The following GSE1 variants were observed in gnomAD, a reference collection of about 807,000 sequenced individuals.
GSE1 encodes Gse1 coiled-coil protein, also known as genetic suppressor element 1.
A neutral mutation model predicts 112.6 loss-of-function variants in GSE1; 32 were observed. The observed-to-expected ratio is 0.28, with a 90% CI of 0.21 to 0.38. GSE1 has a LOEUF of 0.38. Ranked by LOEUF, GSE1 falls within the 10% of genes least tolerant of loss-of-function variation. The pLI, the probability that GSE1 is intolerant of heterozygous loss-of-function variation, is 1.00. For missense variants in GSE1, 2,348 were observed against 1,699.2 expected, an observed-to-expected ratio of 1.38 and a Z score of -6.71; for synonymous variants, 1,115 against 735.6, an observed-to-expected ratio of 1.52 and a Z score of -8.35.
upstream of GSE1, chr16:85,613,282 CCCGAGCTGCCGCCG>C (rs1411893095): frequency 2.0e-6 from 3 of 1,538,398 alleles, no homozygotes; most frequent in African/African-American, 4.2e-5. Flanking sequence ...CCCCAGCGGG[CCCGAGCTGCCGCCG>C]CCGAGCAGCC....
At position 85,341,997 on chromosome 16, in the gene GSE1, C is replaced by G. The variant is rs182280306; in HGVS notation, c.2284-15466C>G. Among the ~76,000 whole-genome samples, 258 of 152,236 alleles carry G rather than the reference C, an allele frequency of 1.7e-3. 1 individual carries two copies. Among genetic ancestry groups the G allele is most frequent in the African/African-American group, 6.1e-3 (252 of 41,536 alleles). ...GAATAGAGACCGGCAGGTGGTCTCT[C>G]TATCCCTGGGCTGCCTGCCGTCCCT... On this transcript the variant is annotated intron_variant, in intron 1 of 2. Coordinates refer to the GSE1 transcript ENST00000637419.
At chr16:85,642,843 T>C (rs978140673) in intron 2 of GSE1, among the ~76,000 whole-genome samples, 1 of 152,104 alleles carries the variant, frequency 6.6e-6, no homozygotes, top group Non-Finnish European at 1.5e-5. Context: ...TGCCCTGCCC[T>C]CCCCTTTCCT....
intron 2 of GSE1, among the ~76,000 whole-genome samples, chr16:85,393,329 A>G (rs2047888546): frequency 6.6e-6 from 1 of 152,222 alleles, no homozygotes; most frequent in Non-Finnish European, 1.5e-5. Flanking sequence ...GCCTCTGGCA[A>G]GACAGGAGCG....
chr16:85,666,243 A>C lies in GSE1; in HGVS notation c.3026A>C (p.Asn1009Thr), dbSNP rs749588485. 23 of 1,613,722 alleles carry C rather than the reference A, an allele frequency of 1.4e-5. No homozygotes were observed. Among genetic ancestry groups the C allele is most frequent in the Non-Finnish European group, 1.9e-5 (23 of 1,180,036 alleles). Residue 1009 changes from asparagine (N) to threonine (T), a missense_variant, in exon 13 of 16, where the codon AAT (asparagine) becomes ACT (threonine). Transcript: ENST00000253458. The stretch of plus-strand genomic sequence containing the variant: ...CCTGTGCCGCTGTCCCACAGCACCA[A>C]TGGGAAGAGCAAGCCGTGGGAGCCC... ...DIPVPLSHSTNGKSKPWEPFV... is the reference protein window; with the variant it reads ...DIPVPLSHSTTGKSKPWEPFV...
intron 13 of GSE1, among the ~76,000 whole-genome samples, chr16:85,667,797 G>C (rs940299823): frequency 6.6e-6 from 1 of 152,172 alleles, no homozygotes; most frequent in Non-Finnish European, 1.5e-5. Context: ...AGGGGAAGTT[G>C]CAGTGAGCCG....
Position 85,478,897 on chromosome 16 carries a change from TTCTTTC to T in GSE1, c.2464+121256_2464+121261del, listed in dbSNP as rs762127678. ...TTTCTTTCTTTCTTTCTTTCTTTCT[TTCTTTC>T]TTTCTTTCTTTCTTTCTTTCTTTCT... On this transcript the variant is annotated intron_variant, in intron 2 of 2. Transcript: ENST00000637419. 3.2e-3 allele frequency among the ~76,000 whole-genome samples: 266 copies of T among 83,238 alleles called. 4 individuals are homozygous for T. The highest frequency in any genetic ancestry group is 5.0e-3 in the South Asian group (13 of 2,598). 54.6% of individuals were successfully genotyped at this position (83,238 alleles called of 152,430 possible).
In GSE1 at chr16:85,556,429, C is replaced by G. The variant is rs2045215081; in HGVS notation, c.37+66C>G. The G allele has an allele frequency of 1.2e-5, 9 of 737,020 alleles. No homozygotes were observed. The South Asian group carries it at 4.3e-4, about 35-fold the overall frequency. 45.7% of individuals were successfully genotyped at this position (737,020 alleles called of 1,614,324 possible). A position where few individuals can be genotyped will look rare whatever the true frequency, so the allele number is the denominator to read the frequency against. On this transcript the variant is annotated intron_variant, in intron 1 of 2. Transcript: ENST00000635906. ...GGCGCGCCCGGGACCCTCCCTCACC[C>G]GACCCCCCTCCGCCAGACCCCCGAG...
intron 1 of GSE1, among the ~76,000 whole-genome samples, chr16:85,261,476 C>T (rs1196075864): frequency 3.9e-5 from 6 of 152,342 alleles, no homozygotes; most frequent in South Asian, 2.1e-4. Flanking sequence ...AGGAGGAGGG[C>T]GCAGAGTGGG....
chr16:85,433,464 C>T (rs927140391), intron 2 of GSE1, among the ~76,000 whole-genome samples: 2 of 152,164 alleles, frequency 1.3e-5, no homozygotes, highest in African/African-American at 4.8e-5. Context: ...CTGGCCACCC[C>T]CAGGGACCTC....
chr16:85,597,373 C>CAAAAAAAAAA (rs1165062872), intron 1 of GSE1, among the ~76,000 whole-genome samples: 44 of 31,688 alleles, frequency 1.4e-3, no homozygotes, highest in South Asian at 2.7e-3. Context: ...GACTCTGTCT[C>CAAAAAAAAAA]AAAAAAAAAA....
At chr16:85,461,980 AAG>A (rs1193525561) in intron 2 of GSE1, among the ~76,000 whole-genome samples, 1 of 152,202 alleles carries the variant, frequency 6.6e-6, no homozygotes, top group Non-Finnish European at 1.5e-5. Flanking sequence ...AGGCAGCTTG[AAG>A]AGTCACTTAG....
At chr16:85,416,746 G>A (rs942526662) in intron 2 of GSE1, among the ~76,000 whole-genome samples, 2 of 152,250 alleles carry the variant, frequency 1.3e-5, no homozygotes, top group Admixed American at 6.5e-5. Context: ...CCTGGGTCAC[G>A]GCTGACTTGA....
chr16:85,471,963 G>T (rs957281088), intron 2 of GSE1, among the ~76,000 whole-genome samples: 1 of 152,200 alleles, frequency 6.6e-6, no homozygotes, highest in African/African-American at 2.4e-5. Context: ...ACACCTTAAG[G>T]CACCGTAAGA....
upstream of GSE1, among the ~76,000 whole-genome samples, chr16:85,608,264 T>C (rs1369891493): frequency 1.3e-5 from 2 of 152,122 alleles, no homozygotes; most frequent in Non-Finnish European, 2.9e-5. Context: ...ATGGGGTAGC[T>C]GGGCAGCCTT....
intron 1 of GSE1, among the ~76,000 whole-genome samples, chr16:85,587,192 C>A (rs1365107061): frequency 2.0e-5 from 3 of 151,946 alleles, no homozygotes; most frequent in African/African-American, 7.3e-5. Flanking sequence ...AGACCAGACC[C>A]CATGGTCTGG....
At chr16:85,617,753 A>G (rs753013749) in intron 1 of GSE1, among the ~76,000 whole-genome samples, 6 of 151,944 alleles carry the variant, frequency 3.9e-5, no homozygotes, top group African/African-American at 1.4e-4. Flanking sequence ...GGGGGGAGCA[A>G]TGTGGGTAGG....
chr16:85,357,680 G>A (rs1174419193), intron 2 of GSE1: 24 of 1,257,422 alleles, frequency 1.9e-5, no homozygotes, highest in South Asian at 1.6e-4. Flanking sequence ...TGGGTACTGG[G>A]CTGGGATGCG....
intron 2 of GSE1, among the ~76,000 whole-genome samples, chr16:85,444,408 G>C (rs778660468): frequency 1.3e-5 from 2 of 152,186 alleles, no homozygotes; most frequent in Admixed American, 6.5e-5. Flanking sequence ...CATAGGTGCC[G>C]TTTCCAGCTC....
intron 1 of GSE1, among the ~76,000 whole-genome samples, chr16:85,618,310 C>G (rs777357243): frequency 9.3e-4 from 141 of 152,138 alleles, no homozygotes; most frequent in Non-Finnish European, 1.6e-3. Context: ...GATGCAGAGG[C>G]CCTCTGGCAG....
Sources: gnomAD v4.1 joint callset for allele counts (sites outside exome capture counted in the v4.1 genomes callset) on GRCh38, gnomAD v4.1.1 for gene constraint, MANE v1.5 for transcripts, NCBI Gene and HGNC (gene_info 2026-07-23, HGNC 2026-07-21) for gene names.